The following STK17B variants were observed in gnomAD, a reference collection of about 807,000 sequenced individuals.
STK17B encodes the protein serine/threonine-protein kinase 17B.
Under a neutral mutation model 42.0 loss-of-function variants are expected in STK17B, and 21 were observed. The ratio of observed to expected loss-of-function variants is 0.50; its 90% CI spans 0.35 to 0.72. The LOEUF is 0.72. Among genes scored for constraint, STK17B ranks in the 30% least tolerant of loss-of-function variants. The pLI is 0.00. For missense variants in STK17B, 349 were observed against 446.0 expected (o/e 0.78, Z 1.96); for synonymous variants, 143 against 148.4 (o/e 0.96, Z 0.26).
intron 1 of STK17B, among the ~76,000 whole-genome samples, chr2:196,168,707 T>A (rs1283376411): frequency 2.0e-5 from 3 of 152,142 alleles, no homozygotes; most frequent in Admixed American, 6.5e-5. Flanking sequence ...GGAAAAAGGA[T>A]AATAAAAAAC....
At chr2:196,145,486 C>A (rs1699559638) in intron 4 of STK17B, among the ~76,000 whole-genome samples, 1 of 152,026 alleles carries the variant, frequency 6.6e-6, no homozygotes, top group African/African-American at 2.4e-5. Context: ...AGACTGAAAA[C>A]CTCAAGACAA....
intron 2 of STK17B, among the ~76,000 whole-genome samples, chr2:196,161,291 GA>G (rs72223822): frequency 0.077 from 10,986 of 143,466 alleles, 738 homozygotes; most frequent in African/African-American, 0.2. Context: ...AAAAGAAAAA[GA>G]AAAAAAGAAA....
At chr2:196,166,539 C>T (rs1021037063) in intron 1 of STK17B, among the ~76,000 whole-genome samples, 8 of 152,270 alleles carry the variant, frequency 5.3e-5, no homozygotes, top group East Asian at 1.9e-4. Context: ...TGTGTATACA[C>T]GATTAGATCC....
At chr2:196,156,795 A>G in intron 2 of STK17B, 144 bp from the exon 3 acceptor site, 1 of 690,554 alleles carries the variant, frequency 1.4e-6, no homozygotes, top group South Asian at 2.0e-5. Flanking sequence ...CTCTAAATTG[A>G]TTCAAATATC....
intron 2 of STK17B, among the ~76,000 whole-genome samples, chr2:196,157,036 A>C (rs1362781113): frequency 1.3e-5 from 2 of 152,082 alleles, no homozygotes; most frequent in Non-Finnish European, 2.9e-5. Flanking sequence ...GTTGTGGCGC[A>C]TGCCTGTAAT....
chr2:196,158,015 C>A (rs143515444), intron 2 of STK17B, among the ~76,000 whole-genome samples: 2 of 152,078 alleles, frequency 1.3e-5, no homozygotes, highest in African/African-American at 4.8e-5. Context: ...TATAGGGGAT[C>A]CAAAATTAAG....
intron 1 of STK17B, among the ~76,000 whole-genome samples, chr2:196,168,501 T>C (rs1295071265): frequency 2.6e-5 from 4 of 152,186 alleles, no homozygotes; most frequent in Non-Finnish European, 4.4e-5. Flanking sequence ...CAATGCAAAA[T>C]GGAATCTGCC....
At chr2:196,161,612 G>A (rs986154991) in intron 2 of STK17B, among the ~76,000 whole-genome samples, 1 of 139,884 alleles carries the variant, frequency 7.1e-6, no homozygotes, top group Non-Finnish European at 1.5e-5. Flanking sequence ...TCCACCTGCC[G>A]GGTTCAAGTG....
chr2:196,149,862 C>T (rs1033872070), intron 3 of STK17B, among the ~76,000 whole-genome samples: 1 of 152,150 alleles, frequency 6.6e-6, no homozygotes, highest in African/African-American at 2.4e-5. Context: ...AAAGTATCCT[C>T]AGAGTTTTTT....
intron 3 of STK17B, among the ~76,000 whole-genome samples, chr2:196,146,932 C>T (rs1200173807): frequency 6.6e-6 from 1 of 152,028 alleles, no homozygotes; most frequent in Non-Finnish European, 1.5e-5. Flanking sequence ...TAAATAAATT[C>T]TAAAGAACTG....
intron 2 of STK17B, among the ~76,000 whole-genome samples, chr2:196,159,002 CTG>C (rs964257004): frequency 7.9e-6 from 1 of 126,008 alleles, no homozygotes; most frequent in African/African-American, 3.0e-5. Context: ...CAGAGCAAGA[CTG>C]TGTCTCAAAA....
intron 1 of STK17B, 121 bp from the exon 2 acceptor site, chr2:196,163,548 A>C (rs1254310977): frequency 6.6e-6 from 5 of 756,582 alleles, no homozygotes; most frequent in Non-Finnish European, 9.3e-6. Flanking sequence ...TAAAGAGCAC[A>C]TTCTATCCAC....
chr2:196,174,130 C>T (rs1422037612), upstream of STK17B: 6 of 152,114 alleles, frequency 3.9e-5, no homozygotes, highest in Admixed American at 6.5e-5. Flanking sequence ...TTAAGCTGTC[C>T]GCTCTGTGGT....
chr2:196,168,117 T>A (rs2105716108), intron 1 of STK17B, among the ~76,000 whole-genome samples: 1 of 152,356 alleles, frequency 6.6e-6, no homozygotes, highest in Admixed American at 6.5e-5. Flanking sequence ...TTTTAAAATA[T>A]TTTGAACAGA....
At chr2:196,159,315 T>A (rs1167951365) in intron 2 of STK17B, among the ~76,000 whole-genome samples, 1 of 150,962 alleles carries the variant, frequency 6.6e-6, no homozygotes, top group Non-Finnish European at 1.5e-5. Context: ...GAGGTTGTTT[T>A]TTTTTTTTTT....
Position 196,148,547 on chromosome 2 carries a change from T to C in STK17B, c.336-2492A>G, listed in dbSNP as rs575057380. 9.8e-5 allele frequency among the ~76,000 whole-genome samples: 15 copies of C among 152,336 alleles called. No individual in the cohort carries two copies. The South Asian group carries it at 1.4e-3, about 15-fold the overall frequency. On this transcript the variant is annotated intron_variant, in intron 3 of 7. Coordinates refer to ENST00000263955, the MANE Select transcript of STK17B (RefSeq NM_004226.4). Reference sequence around the variant, plus strand: ...ATTTTTTGTTAGGTACTTTACAAGATATAAATACTGATAATCTAGTCCTAT... The same window carrying C: ...ATTTTTTGTTAGGTACTTTACAAGACATAAATACTGATAATCTAGTCCTAT...
intron 1 of STK17B, among the ~76,000 whole-genome samples, chr2:196,170,265 C>G (rs2105718807): frequency 6.6e-6 from 1 of 152,318 alleles, no homozygotes; most frequent in Middle Eastern, 3.4e-3. Flanking sequence ...CAGAGCTATG[C>G]TGTCTCCGCG....
At chr2:196,164,340 A>G (rs549717145) in intron 1 of STK17B, among the ~76,000 whole-genome samples, 1 of 152,262 alleles carries the variant, frequency 6.6e-6, no homozygotes, top group East Asian at 1.9e-4. Flanking sequence ...GTGCTCAATA[A>G]TTTTGTTGGA....
intron 1 of STK17B, chr2:196,171,061 CA>C (rs900532668): frequency 2.9e-4 from 45 of 152,578 alleles, no homozygotes; most frequent in Admixed American, 2.6e-3. Flanking sequence ...CGCACAGACA[CA>C]GACACGCGCC....
Sources: gnomAD v4.1 joint callset for allele counts (sites outside exome capture counted in the v4.1 genomes callset) on GRCh38, gnomAD v4.1.1 for gene constraint, MANE v1.5 for transcripts, NCBI Gene and HGNC (gene_info 2026-07-23, HGNC 2026-07-21) for gene names.